EPHA4: variants seen among roughly 807,000 people sequenced by gnomAD.
EPHA4 encodes EPH receptor A4, also known as ephrin type-A receptor 4.
A neutral mutation model predicts 108.3 loss-of-function variants in EPHA4; 19 were observed. The ratio of observed to expected loss-of-function variants is 0.18; its 90% CI spans 0.12 to 0.26. The LOEUF (loss-of-function observed/expected upper bound fraction) is 0.26, where lower values mean the gene tolerates loss of function less well. Among genes scored for constraint, EPHA4 ranks in the 10% least tolerant of loss-of-function variants. The pLI, the probability that EPHA4 is intolerant of heterozygous loss-of-function variation, is 1.00. For missense variants in EPHA4, 917 were observed against 1,254.0 expected (o/e 0.73, Z 4.06); for synonymous variants, 449 against 455.5 (o/e 0.99, Z 0.18).
Position 221,499,821 on chromosome 2 carries a change from G to A in EPHA4, c.979+1196C>T, listed in dbSNP as rs140291415. 5.2e-3 allele frequency among the ~76,000 whole-genome samples: 698 copies of A among 132,964 alleles called. 4 individuals are homozygous for A. Among genetic ancestry groups the A allele is most frequent in the African/African-American group, 0.018 (651 of 35,266 alleles). The allele number at this position is 132,964 out of a possible 152,430, so 87.2% of individuals were successfully genotyped here. On this transcript the variant is annotated intron_variant, in intron 4 of 17. Coordinates refer to ENST00000281821, the MANE Select transcript of EPHA4 (RefSeq NM_004438.5). ...CACCCAGGCTGGAATGTAATGGTGC[G>A]ATCTCGCCTCTCTGCAACCTCTGCC... is the stretch of plus-strand genomic sequence containing the variant.
intron 3 of EPHA4, among the ~76,000 whole-genome samples, chr2:221,504,079 G>C (rs7598267): frequency 6.6e-6 from 1 of 152,102 alleles, no homozygotes; most frequent in Non-Finnish European, 1.5e-5. Flanking sequence ...TTGACTGTTA[G>C]TATTTTTTAT....
intron 3 of EPHA4, among the ~76,000 whole-genome samples, chr2:221,503,415 A>G (rs1308753552): frequency 2.0e-5 from 3 of 152,240 alleles, no homozygotes; most frequent in Non-Finnish European, 4.4e-5. Flanking sequence ...CAGCTAAAAA[A>G]TTAAACTCAT....
chr2:221,426,662 G>A (rs1377425756), intron 15 of EPHA4, 43 bp from the exon 16 acceptor site: 1 of 1,562,332 alleles, frequency 6.4e-7, no homozygotes, highest in Non-Finnish European at 8.7e-7. Context: ...GGAGCTACCA[G>A]TGAGACAAGA....
chr2:221,571,185 CGCAGACATGCACACACACCACACAT>C lies in EPHA4; in HGVS notation c.91+948_91+972del, dbSNP rs1473061308. 2.7e-5 allele frequency among the ~76,000 whole-genome samples: 4 copies of C among 149,006 alleles called. No homozygotes were observed. Among genetic ancestry groups the C allele is most frequent in the South Asian group, 2.1e-4 (1 of 4,714 alleles). On this transcript the variant is annotated intron_variant, in intron 1 of 17. Transcript: ENST00000281821. The surrounding 1 kb of genome is among the most constrained non-coding windows in gnomAD (Gnocchi z 6.3). ...ACACACACGCAGACATGCACACACA[CGCAGACATGCACACACACCACACAT>C]GCAGACATGCACACACACGCAGACA...
intron 5 of EPHA4, among the ~76,000 whole-genome samples, chr2:221,462,269 G>A (rs1044231572): frequency 6.6e-6 from 1 of 152,006 alleles, no homozygotes; most frequent in Non-Finnish European, 1.5e-5. Context: ...AAAAAGATGT[G>A]TGATTTAATT....
chr2:221,455,750 A>G (rs1690927963), intron 7 of EPHA4, 92 bp from the exon 8 acceptor site: 1 of 853,186 alleles, frequency 1.2e-6, no homozygotes, highest in East Asian at 2.7e-5. Context: ...TTCTGAAGCC[A>G]CTTGGAGAGA....
At chr2:221,543,789 A>G (rs1472391866) in intron 3 of EPHA4, among the ~76,000 whole-genome samples, 1 of 152,258 alleles carries the variant, frequency 6.6e-6, no homozygotes, top group African/African-American at 2.4e-5. Flanking sequence ...AGTGACTTCT[A>G]CAAGATTCAC....
rs527522788 is a variant in EPHA4, at chr2:221,511,894, TG to T, written c.824-10723del. On this transcript the variant is annotated intron_variant, in intron 3 of 17. Transcript: ENST00000281821. ...ATTAGAGCACTGAAAATTTGCTATC[TG>T]AAAAACAAAATATGGTTTTCAATAT... Among the ~76,000 whole-genome samples the T allele has an allele frequency of 2.7e-3, 418 of 152,312 alleles. 3 individuals are homozygous for T. The highest frequency in any genetic ancestry group is 9.3e-3 in the African/African-American group (388 of 41,568).
intron 3 of EPHA4, among the ~76,000 whole-genome samples, chr2:221,523,882 G>A (rs780482107): frequency 5.3e-5 from 8 of 152,100 alleles, no homozygotes; most frequent in Non-Finnish European, 8.8e-5. Context: ...CACCGTGCCC[G>A]GCCCTCAGTA....
intron 9 of EPHA4, among the ~76,000 whole-genome samples, chr2:221,444,975 C>G (rs1441857399): frequency 6.6e-6 from 1 of 152,066 alleles, no homozygotes; most frequent in African/African-American, 2.4e-5. Context: ...CTAGGCTGGT[C>G]TCGAACTCCA....
chr2:221,518,548 C>CGAAT lies in EPHA4; in HGVS notation c.824-17380_824-17377dup, dbSNP rs915193090. On this transcript the variant is annotated intron_variant, in intron 3 of 17. Transcript: ENST00000281821. ...ACCACAAATATGTAGACTAAGTATACGAATGAATGAATGAATGATGACACA... is the reference window on the plus strand; with the variant it reads ...ACCACAAATATGTAGACTAAGTATACGAATGAATGAATGAATGAATGATGACACA... Among the ~76,000 whole-genome samples, 7 of 152,252 alleles carry CGAAT rather than the reference C, an allele frequency of 4.6e-5. No individual in the cohort carries two copies. In the East Asian group the frequency reaches 7.7e-4, roughly 17 times the overall value.
intron 9 of EPHA4, among the ~76,000 whole-genome samples, chr2:221,445,205 C>G (rs538176578): frequency 6.6e-6 from 1 of 152,284 alleles, no homozygotes; most frequent in African/African-American, 2.4e-5. Flanking sequence ...TATTGGCTTA[C>G]ATTTTGGACA....
intron 15 of EPHA4, among the ~76,000 whole-genome samples, chr2:221,429,280 T>C (rs1322066482): frequency 6.6e-6 from 1 of 152,244 alleles, no homozygotes; most frequent in Non-Finnish European, 1.5e-5. Flanking sequence ...TTGTAGGACT[T>C]ATAGTATCTT....
chr2:221,501,868 G>T (rs1419161519), intron 3 of EPHA4, among the ~76,000 whole-genome samples: 2 of 152,130 alleles, frequency 1.3e-5, no homozygotes, highest in Non-Finnish European at 2.9e-5. Flanking sequence ...CTATCAACTG[G>T]AGATTTTGGA....
At chr2:221,432,590 T>C (rs992916172) in intron 14 of EPHA4, among the ~76,000 whole-genome samples, 1 of 152,054 alleles carries the variant, frequency 6.6e-6, no homozygotes, top group African/African-American at 2.4e-5. Context: ...TTGGTCAGCA[T>C]AGAGAATTCT....
At chr2:221,533,137 A>G (rs1370337947) in intron 3 of EPHA4, 2 of 152,234 alleles carry the variant, frequency 1.3e-5, no homozygotes, top group Non-Finnish European at 2.9e-5. Flanking sequence ...CATCTGAGCC[A>G]TACATATGGC....
At chr2:221,467,766 G>T (rs778172615) in intron 5 of EPHA4, among the ~76,000 whole-genome samples, 1 of 152,180 alleles carries the variant, frequency 6.6e-6, no homozygotes. Context: ...CCTGTGTTTC[G>T]TCTGGGAGCT....
At chr2:221,428,697 C>G (rs188572197) in intron 15 of EPHA4, among the ~76,000 whole-genome samples, 1 of 152,166 alleles carries the variant, frequency 6.6e-6, no homozygotes, top group Non-Finnish European at 1.5e-5. Flanking sequence ...CAAGAAATAG[C>G]CTCACAATAG....
chr2:221,559,763 A>G (rs978351424), intron 3 of EPHA4, among the ~76,000 whole-genome samples: 1 of 152,176 alleles, frequency 6.6e-6, no homozygotes, highest in Non-Finnish European at 1.5e-5. Flanking sequence ...AGGACTAACT[A>G]GAATCATTAT....
Sources: allele counts gnomAD v4.1 joint callset (sites outside exome capture counted in the v4.1 genomes callset), GRCh38; gene constraint gnomAD v4.1.1; non-coding constraint Gnocchi (gnomAD v3.1); transcripts MANE v1.5; gene names NCBI Gene and HGNC (gene_info 2026-07-23, HGNC 2026-07-21).